Variants in WDR43 observed in about 807,000 individuals in gnomAD.
WDR43 encodes the protein WD repeat-containing protein 43.
WDR43 carries 13 observed loss-of-function variants against 91.4 expected under a neutral mutation model. The observed-to-expected ratio is 0.14, with a 90% confidence interval of 0.09 to 0.23. The LOEUF (loss-of-function observed/expected upper bound fraction) is 0.23. WDR43 is among the 10% of genes least tolerant of loss of function. The probability of loss-of-function intolerance (pLI) is 1.00; values close to 1 mark genes in which losing one functional copy is unlikely to be tolerated. For synonymous variants in WDR43, 331 were observed against 287.9 expected, an observed-to-expected ratio of 1.15 and a Z score of -1.51; for missense variants, 780 against 809.4, an observed-to-expected ratio of 0.96 and a Z score of 0.44.
rs190674156 is a variant in WDR43 at position 28,902,537 on chromosome 2, C to G, written c.363+413C>G. Among the ~76,000 whole-genome samples, 927 of 152,298 alleles carry G rather than the reference C, an allele frequency of 6.1e-3. 10 individuals are homozygous for G. The highest frequency in any genetic ancestry group is 0.021 in the African/African-American group (862 of 41,552). ...AAGAGTGGCCCCATGGGCATGGGAT[C>G]GAGACTTCAAACTGAGAAGGAGGCT... On this transcript the variant is annotated intron_variant, in intron 2 of 17. Coordinates refer to ENST00000407426, the MANE Select transcript of WDR43 (RefSeq NM_015131.3).
intron 14 of WDR43, among the ~76,000 whole-genome samples, chr2:28,939,991 C>A (rs911555334): frequency 5.9e-5 from 9 of 151,628 alleles, no homozygotes; most frequent in African/African-American, 2.2e-4. Flanking sequence ...CCTGTAGTCC[C>A]AGCTACTCGG....
intron 10 of WDR43, 124 bp from the exon 11 acceptor site, chr2:28,929,455 C>T: frequency 1.9e-5 from 16 of 846,114 alleles, no homozygotes; most frequent in Non-Finnish European, 2.6e-5. Context: ...TAAGAATGAG[C>T]ATATTAGTGT....
intron 9 of WDR43, 197 bp from the exon 10 acceptor site, chr2:28,927,372 T>C: frequency 1.5e-6 from 1 of 657,480 alleles, no homozygotes; most frequent in Non-Finnish European, 2.5e-6. Context: ...TTGTAAGCTT[T>C]AAATTCACAG....
chr2:28,909,332 C>T (rs1412446106), intron 3 of WDR43, among the ~76,000 whole-genome samples: 1 of 152,064 alleles, frequency 6.6e-6, no homozygotes, highest in Non-Finnish European at 1.5e-5. Flanking sequence ...GAGGTTTCAG[C>T]ATGTTGGTCA....
intron 11 of WDR43, among the ~76,000 whole-genome samples, chr2:28,935,067 A>G (rs958424139): frequency 1.3e-5 from 2 of 152,116 alleles, no homozygotes; most frequent in African/African-American, 2.4e-5. Flanking sequence ...AGCTCTCATT[A>G]TGTCATCTTT....
At chr2:28,919,240 A>G (rs1292826979) in intron 6 of WDR43, among the ~76,000 whole-genome samples, 1 of 152,214 alleles carries the variant, frequency 6.6e-6, no homozygotes, top group East Asian at 1.9e-4. Flanking sequence ...CCTGGGTGAC[A>G]GTGAGACCCC....
Position 28,927,892 on chromosome 2 carries a change from A to G in WDR43, c.1305+192A>G, listed in dbSNP as rs1305395598. 11 of 849,856 alleles carry G rather than the reference A, an allele frequency of 1.3e-5. No individual in the cohort carries two copies. In the South Asian group the frequency reaches 1.7e-4, roughly 13 times the overall value. The allele number at this position is 849,856 out of a possible 1,614,324, so 52.6% of individuals were successfully genotyped here. A position where few individuals can be genotyped will look rare whatever the true frequency, so the allele number is the denominator to read the frequency against. On this transcript the variant is annotated intron_variant, in intron 10 of 17. Coordinates refer to ENST00000407426, the MANE Select transcript of WDR43 (RefSeq NM_015131.3). ...TTGTCATCTTTGTTTAACAGAGAAG[A>G]TGGAACCTTCAGTAACTAAAGAGGG... is the stretch of plus-strand genomic sequence containing the variant.
intron 3 of WDR43, among the ~76,000 whole-genome samples, chr2:28,910,081 C>T (rs57253998): frequency 0.08 from 12,219 of 152,136 alleles, 531 homozygotes; most frequent in East Asian, 0.1. Flanking sequence ...GCATACAGAT[C>T]TGATTTAGTA....
At chr2:28,936,788 A>T (rs1671344577) in intron 12 of WDR43, 134 bp from the exon 13 acceptor site, 2 of 787,812 alleles carry the variant, frequency 2.5e-6, no homozygotes, top group Non-Finnish European at 4.2e-6. Flanking sequence ...ATGTATTCAT[A>T]GACTGTATTA....
At chr2:28,923,275 C>G (rs539928480) in intron 7 of WDR43, among the ~76,000 whole-genome samples, 1 of 152,060 alleles carries the variant, frequency 6.6e-6, no homozygotes, top group Non-Finnish European at 1.5e-5. Context: ...ACTTGTGAAC[C>G]TTGATGATGT....
intron 13 of WDR43, among the ~76,000 whole-genome samples, chr2:28,937,199 C>T (rs1366587744): frequency 6.6e-6 from 1 of 152,118 alleles, no homozygotes; most frequent in East Asian, 1.9e-4. Flanking sequence ...TATTTAATAA[C>T]TTAGTGTTGA....
intron 14 of WDR43, among the ~76,000 whole-genome samples, chr2:28,939,336 C>G (rs1466089553): frequency 3.3e-5 from 5 of 152,184 alleles, no homozygotes; most frequent in African/African-American, 1.2e-4. Context: ...GCCTCAGTTA[C>G]TTGCTTAGAA....
Position 28,894,682 on chromosome 2 carries a change from G to A in WDR43, c.-17G>A, listed in dbSNP as rs764309718. 4 of 1,543,548 alleles carry A rather than the reference G, an allele frequency of 2.6e-6. No homozygotes were observed. The highest frequency in any genetic ancestry group is 2.7e-5 in the African/African-American group (2 of 72,900). On this transcript the variant is annotated 5_prime_UTR_variant, in exon 1 of 18. Coordinates refer to ENST00000407426, the MANE Select transcript of WDR43 (RefSeq NM_015131.3). ...GCGCACGGACGAACACGTGGCTGCA[G>A]CGGGGCCAGAGCAGCAATGGCGGCG...
intron 3 of WDR43, among the ~76,000 whole-genome samples, chr2:28,910,933 A>C (rs1416444325): frequency 6.6e-6 from 1 of 151,904 alleles, no homozygotes; most frequent in Non-Finnish European, 1.5e-5. Flanking sequence ...CCTGGCCTCA[A>C]GTGATGCACC....
At position 28,916,960 on chromosome 2, in the gene WDR43, T is replaced by C. The variant is rs145404889; in HGVS notation, c.747-933T>C. ...TTTGAATTCAGAGCACTACAACTCATGTCTGAGTGAAGCTTATTTAACACA... is the reference window on the plus strand; with the variant it reads ...TTTGAATTCAGAGCACTACAACTCACGTCTGAGTGAAGCTTATTTAACACA... On this transcript the variant is annotated intron_variant, in intron 5 of 17. Transcript: ENST00000407426. Among the ~76,000 whole-genome samples, 1,117 of 152,326 alleles carry C rather than the reference T, an allele frequency of 7.3e-3. 12 individuals carry two copies. The highest frequency in any genetic ancestry group is 0.026 in the African/African-American group (1,067 of 41,574).
At chr2:28,923,261 A>AT (rs1287068746) in intron 7 of WDR43, among the ~76,000 whole-genome samples, 2 of 152,276 alleles carry the variant, frequency 1.3e-5, no homozygotes, top group East Asian at 1.9e-4. Flanking sequence ...AGCTGGAGAG[A>AT]TTCACTTGTG....
At chr2:28,931,169 A>G (rs1453986915) in intron 11 of WDR43, among the ~76,000 whole-genome samples, 1 of 146,280 alleles carries the variant, frequency 6.8e-6, no homozygotes, top group Non-Finnish European at 1.5e-5. Context: ...TCTGCCTCCC[A>G]GGTCCTGGTT....
intron 16 of WDR43, among the ~76,000 whole-genome samples, chr2:28,944,855 C>G (rs1468962886): frequency 6.6e-6 from 1 of 152,222 alleles, no homozygotes; most frequent in Admixed American, 6.5e-5. Flanking sequence ...ATTTACCTCT[C>G]CGGCCAGGCG....
intron 1 of WDR43, chr2:28,895,838 T>C (rs778911584): frequency 1.3e-5 from 2 of 152,170 alleles, no homozygotes; most frequent in Non-Finnish European, 2.9e-5. Flanking sequence ...TGCAAAGTGA[T>C]TTGGAAACAT....
Sources: allele counts gnomAD v4.1 joint callset (sites outside exome capture counted in the v4.1 genomes callset), GRCh38; gene constraint gnomAD v4.1.1; transcripts MANE v1.5; gene names NCBI Gene and HGNC (gene_info 2026-07-23, HGNC 2026-07-21).